The following CACNA2D3 variants were observed in gnomAD, a reference collection of about 807,000 sequenced individuals.
CACNA2D3 encodes voltage-dependent calcium channel subunit alpha-2/delta-3.
In CACNA2D3, 60 loss-of-function variants were observed where a neutral mutation model predicts 160.6. The observed-to-expected ratio is 0.37, with a 90% CI of 0.30 to 0.46. The LOEUF is 0.46. Ranked by LOEUF, CACNA2D3 falls within the 20% of genes least tolerant of loss-of-function variation. The probability of loss-of-function intolerance (pLI) is 1.00; values close to 1 mark genes in which losing one functional copy is unlikely to be tolerated. For synonymous variants in CACNA2D3, 558 were observed against 492.9 expected (o/e 1.13, Z -1.75); for missense variants, 1,205 against 1,365.0 (o/e 0.88, Z 1.85).
chr3:54,905,839 A>T (rs1413145573), intron 27 of CACNA2D3, among the ~76,000 whole-genome samples: 1 of 152,158 alleles, frequency 6.6e-6, no homozygotes, highest in Non-Finnish European at 1.5e-5. Flanking sequence ...GTAAACTTCA[A>T]CTCAGTGCTT....
Position 54,338,265 on chromosome 3 carries a change from C to T in CACNA2D3, c.321+17707C>T, listed in dbSNP as rs911959473. Among the ~76,000 whole-genome samples, 4 of 152,196 alleles carry T rather than the reference C, an allele frequency of 2.6e-5. No individual in the cohort carries two copies. In the East Asian group the frequency reaches 7.7e-4, roughly 29 times the overall value. On this transcript the variant is annotated intron_variant, in intron 3 of 37. Coordinates refer to ENST00000474759, the MANE Select transcript of CACNA2D3 (RefSeq NM_018398.3). ...GGGTGATGGGTGCACAGGAATAAAACACCATAACTTGTTTACCGTGGGCCA... is the reference window on the plus strand; with the variant it reads ...GGGTGATGGGTGCACAGGAATAAAATACCATAACTTGTTTACCGTGGGCCA...
intron 27 of CACNA2D3, among the ~76,000 whole-genome samples, chr3:54,934,853 T>A (rs1334981723): frequency 2.0e-5 from 3 of 152,160 alleles, no homozygotes; most frequent in Non-Finnish European, 4.4e-5. Context: ...TGCCTCAGCC[T>A]CCCGAGTAGC....
chr3:54,136,767 G>A (rs2107261334), intron 2 of CACNA2D3, among the ~76,000 whole-genome samples: 1 of 152,332 alleles, frequency 6.6e-6, no homozygotes, highest in Admixed American at 6.5e-5. Context: ...AATGTTACCT[G>A]GGGAGCTTGT....
chr3:54,135,055 A>G (rs1449962365), intron 2 of CACNA2D3, among the ~76,000 whole-genome samples: 1 of 152,156 alleles, frequency 6.6e-6, no homozygotes, highest in Non-Finnish European at 1.5e-5. Context: ...ATTATCACTG[A>G]TATTAGGGAG....
At chr3:54,706,120 C>T (rs1700853820) in intron 11 of CACNA2D3, among the ~76,000 whole-genome samples, 1 of 152,174 alleles carries the variant, frequency 6.6e-6, no homozygotes, top group Non-Finnish European at 1.5e-5. Flanking sequence ...TCCAGCATTC[C>T]TTTGACTAGA....
intron 12 of CACNA2D3, among the ~76,000 whole-genome samples, chr3:54,755,801 C>T (rs1476490781): frequency 1.3e-5 from 2 of 151,940 alleles, no homozygotes; most frequent in Non-Finnish European, 1.5e-5. Context: ...AAAAAGAGTT[C>T]CTTTCCATTT....
At chr3:54,751,255 T>C (rs1201089997) in intron 11 of CACNA2D3, among the ~76,000 whole-genome samples, 1 of 152,162 alleles carries the variant, frequency 6.6e-6, no homozygotes, top group Admixed American at 6.5e-5. Flanking sequence ...TTGCAGGAGC[T>C]GTGATAAATA....
intron 11 of CACNA2D3, among the ~76,000 whole-genome samples, chr3:54,723,617 G>T (rs945689083): frequency 2.2e-4 from 34 of 152,206 alleles, no homozygotes; most frequent in African/African-American, 8.0e-4. Context: ...GTCCCTCATG[G>T]TTTCACTTGG....
intron 5 of CACNA2D3, among the ~76,000 whole-genome samples, chr3:54,512,092 G>T (rs1701468782): frequency 6.6e-6 from 1 of 152,188 alleles, no homozygotes; most frequent in Admixed American, 6.5e-5. Context: ...TGAGGGAAAT[G>T]CAGACTAGAC....
chr3:54,977,293 G>T (rs1702411843), intron 29 of CACNA2D3, among the ~76,000 whole-genome samples: 1 of 152,090 alleles, frequency 6.6e-6, no homozygotes, highest in Non-Finnish European at 1.5e-5. Flanking sequence ...TTTGTAGCAG[G>T]TATTTTTTCA....
At chr3:54,602,024 T>A (rs1025704222) in intron 9 of CACNA2D3, among the ~76,000 whole-genome samples, 14 of 152,040 alleles carry the variant, frequency 9.2e-5, no homozygotes, top group African/African-American at 3.1e-4. Context: ...CTGGTAGGCA[T>A]TTATGTAGAG....
intron 35 of CACNA2D3, among the ~76,000 whole-genome samples, chr3:55,036,685 C>G (rs535508164): frequency 7.9e-4 from 120 of 151,670 alleles, no homozygotes; most frequent in African/African-American, 2.8e-3. Flanking sequence ...CCAGGCTGGT[C>G]TCGAACTCCT....
chr3:54,210,177 G>A (rs1019875148), intron 2 of CACNA2D3, among the ~76,000 whole-genome samples: 4 of 152,194 alleles, frequency 2.6e-5, no homozygotes, highest in African/African-American at 9.7e-5. Flanking sequence ...GGGGTGGTGG[G>A]GAGAGGAGTG....
chr3:54,235,241 A>T (rs1701851640), intron 2 of CACNA2D3, among the ~76,000 whole-genome samples: 1 of 152,208 alleles, frequency 6.6e-6, no homozygotes, highest in Non-Finnish European at 1.5e-5. Context: ...AGGATCCTGT[A>T]TTAGTCCATT....
intron 4 of CACNA2D3, among the ~76,000 whole-genome samples, chr3:54,433,598 A>G (rs1172762863): frequency 1.3e-5 from 2 of 152,206 alleles, no homozygotes; most frequent in African/African-American, 2.4e-5. Context: ...AAACATTTAG[A>G]TATCACATAA....
chr3:54,650,552 A>C (rs1039454402), intron 11 of CACNA2D3, among the ~76,000 whole-genome samples: 3 of 152,124 alleles, frequency 2.0e-5, no homozygotes, highest in African/African-American at 4.8e-5. Flanking sequence ...TTTAGTAGAG[A>C]TGAGGTTTCA....
At chr3:54,684,602 A>G (rs1700415372) in intron 11 of CACNA2D3, among the ~76,000 whole-genome samples, 1 of 152,064 alleles carries the variant, frequency 6.6e-6, no homozygotes, top group South Asian at 2.1e-4. Context: ...GTTCTGTCTT[A>G]TTTTCCCTTG....
intron 11 of CACNA2D3, among the ~76,000 whole-genome samples, chr3:54,725,003 AATAG>A (rs756032560): frequency 2.8e-4 from 43 of 152,294 alleles, no homozygotes; most frequent in African/African-American, 6.5e-4. Flanking sequence ...AGATCAAGAA[AATAG>A]ATAGACTCCT....
chr3:54,133,603 T>C (rs932657383), intron 2 of CACNA2D3, among the ~76,000 whole-genome samples: 3 of 152,204 alleles, frequency 2.0e-5, no homozygotes, highest in African/African-American at 7.2e-5. Flanking sequence ...ATGCGGAACA[T>C]AAAGGGGTAA....
Sources: gnomAD v4.1 joint callset for allele counts (sites outside exome capture counted in the v4.1 genomes callset) on GRCh38, gnomAD v4.1.1 for gene constraint, MANE v1.5 for transcripts, NCBI Gene and HGNC (gene_info 2026-07-23, HGNC 2026-07-21) for gene names.